SSBP3: variants seen among roughly 807,000 people sequenced by gnomAD.
The protein encoded by SSBP3 is single-stranded DNA-binding protein 3.
SSBP3 carries 5 observed loss-of-function variants against 69.6 expected under a neutral mutation model. That is an observed-to-expected ratio of 0.07 (90% confidence interval 0.04 to 0.15). The LOEUF is 0.15. SSBP3 is among the 10% of genes least tolerant of loss of function. SSBP3 has a pLI of 1.00. For synonymous variants in SSBP3, 196 were observed against 193.4 expected, an observed-to-expected ratio of 1.01 and a Z score of -0.11; for missense variants, 312 against 534.0, an observed-to-expected ratio of 0.58 and a Z score of 4.10.
At chr1:54,381,069 G>C (rs947653904) in intron 4 of SSBP3, among the ~76,000 whole-genome samples, 1 of 151,466 alleles carries the variant, frequency 6.6e-6, no homozygotes, top group Non-Finnish European at 1.5e-5. Context: ...TGGGTGACAA[G>C]GTAAGACCCC....
intron 5 of SSBP3, among the ~76,000 whole-genome samples, chr1:54,280,729 C>T (rs762300075): frequency 1.3e-5 from 2 of 152,184 alleles, no homozygotes; most frequent in Admixed American, 6.5e-5. Flanking sequence ...GAGGAGGCGG[C>T]GCAGAGAGGG....
chr1:54,366,989 G>A (rs564142865), intron 4 of SSBP3, among the ~76,000 whole-genome samples: 3 of 152,174 alleles, frequency 2.0e-5, no homozygotes, highest in Non-Finnish European at 2.9e-5. Flanking sequence ...CGAATCCCTC[G>A]TGCTGGAAAG....
At chr1:54,320,956 A>G (rs1236911933) in intron 4 of SSBP3, among the ~76,000 whole-genome samples, 2 of 152,208 alleles carry the variant, frequency 1.3e-5, no homozygotes, top group East Asian at 3.8e-4. Flanking sequence ...CTTTGCTGGG[A>G]AAATAACCTG....
chr1:54,376,191 G>GGTGTGT (rs145081564), intron 4 of SSBP3, among the ~76,000 whole-genome samples: 1 of 150,640 alleles, frequency 6.6e-6, no homozygotes, highest in Middle Eastern at 3.2e-3. Context: ...TGCATGCGTG[G>GGTGTGT]GTGTGTGTGT....
intron 4 of SSBP3, among the ~76,000 whole-genome samples, chr1:54,379,624 G>A (rs1052711988): frequency 3.3e-5 from 5 of 152,142 alleles, no homozygotes; most frequent in East Asian, 1.9e-4. Flanking sequence ...AGAAAGAGGC[G>A]GTACAATGGT....
intron 4 of SSBP3, among the ~76,000 whole-genome samples, chr1:54,321,469 C>G (rs1033087941): frequency 3.9e-5 from 6 of 152,240 alleles, no homozygotes; most frequent in Admixed American, 1.3e-4. Flanking sequence ...ATCCCGAAAG[C>G]TCTCACTGCA....
At chr1:54,370,599 T>G (rs1647115014) in intron 4 of SSBP3, among the ~76,000 whole-genome samples, 1 of 152,164 alleles carries the variant, frequency 6.6e-6, no homozygotes, top group Admixed American at 6.6e-5. Flanking sequence ...CCACCTGCGT[T>G]TTTATCAACA....
At chr1:54,316,718 AT>A (rs1410713635) in intron 4 of SSBP3, among the ~76,000 whole-genome samples, 10 of 149,262 alleles carry the variant, frequency 6.7e-5, no homozygotes, top group African/African-American at 2.5e-4. Context: ...ATAAAATAAA[AT>A]AAAATAAAAT....
intron 11 of SSBP3, among the ~76,000 whole-genome samples, chr1:54,241,894 C>T (rs1405299407): frequency 6.6e-6 from 1 of 152,224 alleles, no homozygotes; most frequent in Non-Finnish European, 1.5e-5. Context: ...TAGAGGTCTC[C>T]ACTCTGAACA....
At chr1:54,259,760 G>A (rs565497087) in intron 5 of SSBP3, among the ~76,000 whole-genome samples, 30 of 152,324 alleles carry the variant, frequency 2.0e-4, no homozygotes, top group African/African-American at 5.1e-4. Flanking sequence ...ACCCGAGGGC[G>A]CCGCCGCTGT....
At chr1:54,335,868 C>T (rs1483769943) in intron 4 of SSBP3, 2 of 152,332 alleles carry the variant, frequency 1.3e-5, no homozygotes, top group Non-Finnish European at 2.9e-5. Flanking sequence ...CTGGGGAATC[C>T]AGGCAGGAAA....
chr1:54,238,122 T>C (rs540310486), intron 14 of SSBP3: 1 of 470,608 alleles, frequency 2.1e-6, no homozygotes, highest in African/African-American at 2.0e-5. Context: ...GTGAGGACCC[T>C]GGCAACGGAG....
At chr1:54,278,554 G>C (rs1244326260) in intron 5 of SSBP3, among the ~76,000 whole-genome samples, 1 of 152,226 alleles carries the variant, frequency 6.6e-6, no homozygotes. Context: ...GCCTGCAGAA[G>C]CAAGGCCCTG....
chr1:54,228,122 CTG>C (rs1290515846), intron 17 of SSBP3, 131 bp downstream of exon 17: 2 of 846,070 alleles, frequency 2.4e-6, no homozygotes, highest in Admixed American at 2.0e-5. Flanking sequence ...AAAAAAATAA[CTG>C]AGGTGGAAAA....
chr1:54,403,103 C>T (rs1649422856), intron 3 of SSBP3, among the ~76,000 whole-genome samples: 1 of 152,174 alleles, frequency 6.6e-6, no homozygotes, highest in African/African-American at 2.4e-5. Context: ...TGCTCAGTGT[C>T]AAATCGCACA....
At chr1:54,247,894 A>G (rs903424185) in intron 9 of SSBP3, among the ~76,000 whole-genome samples, 5 of 152,234 alleles carry the variant, frequency 3.3e-5, no homozygotes, top group Non-Finnish European at 7.3e-5. Context: ...TTTAGAAAGA[A>G]GAGTTCTAAG....
intron 4 of SSBP3, chr1:54,326,306 C>A (rs1490136350): frequency 6.6e-6 from 1 of 152,370 alleles, no homozygotes; most frequent in Non-Finnish European, 1.5e-5. Flanking sequence ...TTCCGGGGGA[C>A]ACCGGAACTC....
chr1:54,261,978 A>G (rs983939957), intron 5 of SSBP3, among the ~76,000 whole-genome samples: 1 of 152,168 alleles, frequency 6.6e-6, no homozygotes, highest in Non-Finnish European at 1.5e-5. Context: ...CTCCAAGACC[A>G]CAGAAAACTA....
At chr1:54,289,118 T>C (rs898687612) in intron 4 of SSBP3, among the ~76,000 whole-genome samples, 1 of 151,124 alleles carries the variant, frequency 6.6e-6, no homozygotes, top group East Asian at 1.9e-4. Context: ...TTGACTCTTA[T>C]GAAAAGAAAT....
Sources: allele counts gnomAD v4.1 joint callset (sites outside exome capture counted in the v4.1 genomes callset), GRCh38; gene constraint gnomAD v4.1.1; transcripts MANE v1.5; gene names NCBI Gene and HGNC (gene_info 2026-07-23, HGNC 2026-07-21).